The following GRIA2 variants were observed in gnomAD, a reference collection of about 807,000 sequenced individuals.
GRIA2 encodes glutamate receptor 2.
A neutral mutation model predicts 97.3 loss-of-function variants in GRIA2; 14 were observed. The observed-to-expected ratio is 0.14, with a 90% confidence interval of 0.10 to 0.23. The LOEUF (loss-of-function observed/expected upper bound fraction) is 0.23, where lower values mean the gene tolerates loss of function less well. Among genes scored for constraint, GRIA2 ranks in the 10% least tolerant of loss-of-function variants. The pLI, the probability that GRIA2 is intolerant of heterozygous loss-of-function variation, is 1.00. For synonymous variants in GRIA2, 412 were observed against 387.8 expected (o/e 1.06, Z -0.73); for missense variants, 558 against 1,069.8 (o/e 0.52, Z 6.67).
At chr4:157,343,381 C>G (rs139406751) in intron 12 of GRIA2, among the ~76,000 whole-genome samples, 222 of 152,176 alleles carry the variant, frequency 1.5e-3, no homozygotes, top group African/African-American at 5.0e-3. Flanking sequence ...CACATTCATG[C>G]AACTAATAAG....
intron 11 of GRIA2, among the ~76,000 whole-genome samples, chr4:157,339,001 A>T (rs1735427175): frequency 6.6e-6 from 1 of 151,978 alleles, no homozygotes; most frequent in East Asian, 1.9e-4. Flanking sequence ...ATGATATGAA[A>T]CTATATTATT....
intron 2 of GRIA2, among the ~76,000 whole-genome samples, chr4:157,277,814 C>CTA (rs1180739682): frequency 8.9e-5 from 8 of 89,538 alleles, no homozygotes; most frequent in South Asian, 3.1e-4. Flanking sequence ...AATATGTATG[C>CTA]TATATATATA....
rs776856144 is a variant in GRIA2, at chr4:157,362,972, G to T, written c.2580G>T (p.Ser860=). The T allele has an allele frequency of 1.9e-6, 3 of 1,613,398 alleles. No homozygotes were observed. Among genetic ancestry groups the T allele is most frequent in the South Asian group, 2.2e-5 (2 of 91,062 alleles). The stretch of plus-strand genomic sequence containing the variant: ...CACAGAATATTAACCCATCTTCCTC[G>T]CAGAATTCACAGAATTTTGCAACTT... ...KNAQNINPSS[S]QNSQNFATYK... Residue 860 remains serine (S), a synonymous_variant, in exon 15 of 16, where the codon TCG becomes TCT. Transcript: ENST00000264426.
intron 4 of GRIA2, among the ~76,000 whole-genome samples, chr4:157,315,527 GTTTGTTTTGTTTTGT>G (rs140239463): frequency 5.5e-4 from 82 of 149,996 alleles, no homozygotes; most frequent in Non-Finnish European, 4.4e-4. Flanking sequence ...TTGTTTGTTT[GTTTGTTTTGTTTTGT>G]TTTGTTTTGT....
intron 3 of GRIA2, among the ~76,000 whole-genome samples, chr4:157,312,139 A>G (rs1734109751): frequency 6.6e-6 from 1 of 152,042 alleles, no homozygotes; most frequent in Non-Finnish European, 1.5e-5. Flanking sequence ...AAAAAAAATG[A>G]ACCCAAACTG....
intron 3 of GRIA2, among the ~76,000 whole-genome samples, 174 bp downstream of exon 3, chr4:157,303,965 AAAC>A (rs936051491): frequency 3.3e-5 from 5 of 152,202 alleles, no homozygotes; most frequent in South Asian, 2.1e-4. Flanking sequence ...ATTTAGAGTA[AAAC>A]AACAACAACA....
At chr4:157,222,076 G>A (rs1433857955) in intron 2 of GRIA2, among the ~76,000 whole-genome samples, 1 of 152,146 alleles carries the variant, frequency 6.6e-6, no homozygotes, top group Non-Finnish European at 1.5e-5. Flanking sequence ...TGGAGCCAGG[G>A]AGGGCGGCTT....
chr4:157,279,896 G>A (rs887323302), intron 2 of GRIA2, among the ~76,000 whole-genome samples: 2 of 152,054 alleles, frequency 1.3e-5, no homozygotes, highest in East Asian at 1.9e-4. Context: ...AGGCCAAGGC[G>A]GGTGGATCAC....
intron 2 of GRIA2, among the ~76,000 whole-genome samples, chr4:157,253,480 C>G (rs1294438179): frequency 6.6e-6 from 1 of 151,996 alleles, no homozygotes; most frequent in Non-Finnish European, 1.5e-5. Flanking sequence ...TACAAAAGCT[C>G]TTTGGGGTCC....
At chr4:157,338,024 A>G (rs1326861485) in intron 11 of GRIA2, among the ~76,000 whole-genome samples, 34 of 12,034 alleles carry the variant, frequency 2.8e-3, no homozygotes, top group African/African-American at 4.4e-3. Flanking sequence ...ATATATATAT[A>G]TATATATATA....
chr4:157,355,597 T>C (rs922037009), intron 12 of GRIA2, among the ~76,000 whole-genome samples: 69 of 140,314 alleles, frequency 4.9e-4, no homozygotes, highest in African/African-American at 1.6e-3. Context: ...TTTATTTATA[T>C]ATATATTTAT....
chr4:157,351,017 T>G (rs1735990091), intron 12 of GRIA2, among the ~76,000 whole-genome samples: 1 of 151,688 alleles, frequency 6.6e-6, no homozygotes, highest in Admixed American at 6.6e-5. Context: ...ATCTGCAAAT[T>G]TGAAATATTT....
intron 2 of GRIA2, among the ~76,000 whole-genome samples, chr4:157,298,903 A>T (rs1019772030): frequency 3.3e-5 from 5 of 151,986 alleles, no homozygotes; most frequent in Non-Finnish European, 7.4e-5. Flanking sequence ...ATTGAATTTG[A>T]CCTTGTGGAA....
chr4:157,322,788 T>C (rs1214199707), intron 6 of GRIA2, among the ~76,000 whole-genome samples: 4 of 152,162 alleles, frequency 2.6e-5, no homozygotes, highest in East Asian at 3.9e-4. Flanking sequence ...GACAGTGTTA[T>C]TTCAGTTGCT....
chr4:157,240,006 C>A (rs1730432741), intron 2 of GRIA2, among the ~76,000 whole-genome samples: 1 of 152,050 alleles, frequency 6.6e-6, no homozygotes, highest in South Asian at 2.1e-4. Flanking sequence ...GAACAACTGA[C>A]ATATTGAGAT....
intron 11 of GRIA2, among the ~76,000 whole-genome samples, chr4:157,339,074 AT>A (rs1288776306): frequency 6.6e-6 from 1 of 151,890 alleles, no homozygotes. Context: ...GTGATTTCTC[AT>A]TTTTCTGAAA....
intron 2 of GRIA2, among the ~76,000 whole-genome samples, chr4:157,234,244 A>C (rs1478674338): frequency 2.0e-5 from 3 of 152,084 alleles, no homozygotes; most frequent in African/African-American, 7.2e-5. Context: ...TCCCCTGAGT[A>C]TATATTGGTC....
chr4:157,226,808 A>C (rs938505184), intron 2 of GRIA2, among the ~76,000 whole-genome samples: 3 of 152,146 alleles, frequency 2.0e-5, no homozygotes, highest in Admixed American at 6.5e-5. Context: ...ACTAGACTCA[A>C]GTTGGACTTT....
chr4:157,233,365 T>C (rs1730108623), intron 2 of GRIA2, among the ~76,000 whole-genome samples: 1 of 152,176 alleles, frequency 6.6e-6, no homozygotes, highest in South Asian at 2.1e-4. Context: ...TTTTAGCAGA[T>C]ATTTCAAGCA....
Sources: allele counts gnomAD v4.1 joint callset (sites outside exome capture counted in the v4.1 genomes callset), GRCh38; gene constraint gnomAD v4.1.1; transcripts MANE v1.5; gene names NCBI Gene and HGNC (gene_info 2026-07-23, HGNC 2026-07-21).